Variants in TBC1D5 observed in about 807,000 individuals in gnomAD.
TBC1D5 encodes the protein TBC1 domain family, member 5.
In TBC1D5, 75 loss-of-function variants were observed where a neutral mutation model predicts 100.3. The observed-to-expected ratio is 0.75, with a 90% CI of 0.62 to 0.91. The LOEUF (loss-of-function observed/expected upper bound fraction) is 0.91, where lower values mean the gene tolerates loss of function less well. Ranked by LOEUF, TBC1D5 falls within the 40% of genes least tolerant of loss-of-function variation. The pLI is 0.00. For missense variants in TBC1D5, 910 were observed against 942.4 expected (o/e 0.97, Z 0.45); for synonymous variants, 323 against 325.6 (o/e 0.99, Z 0.09).
chr3:17,173,287 G>A (rs2067353002), intron 19 of TBC1D5, among the ~76,000 whole-genome samples: 1 of 152,202 alleles, frequency 6.6e-6, no homozygotes, highest in South Asian at 2.1e-4. Context: ...CACTGATGAA[G>A]GCACCAGAGA....
intron 13 of TBC1D5, among the ~76,000 whole-genome samples, chr3:17,308,637 T>C (rs953153982): frequency 6.6e-6 from 1 of 152,100 alleles, no homozygotes; most frequent in African/African-American, 2.4e-5. Context: ...AAATTAAGTG[T>C]GGGAAAAAGC....
rs546679787 is a variant in TBC1D5, at chr3:17,254,367, C to T, written c.1331+4139G>A. 1.6e-4 allele frequency among the ~76,000 whole-genome samples: 25 copies of T among 152,270 alleles called. 1 individual carries two copies. The South Asian group carries it at 4.8e-3, about 29-fold the overall frequency. Reference sequence around the variant, plus strand: ...GGTTCTAATTGCTCCACATCCTTGCCAACATTTGCTACTGTCAATTTTTTA... The same window carrying T: ...GGTTCTAATTGCTCCACATCCTTGCTAACATTTGCTACTGTCAATTTTTTA... On this transcript the variant is annotated intron_variant, in intron 16 of 21. Coordinates refer to ENST00000253692, the Ensembl canonical transcript of TBC1D5.
At chr3:17,705,347 A>AC (rs749780289) in intron 1 of TBC1D5, among the ~76,000 whole-genome samples, 12,694 of 40,558 alleles carry the variant, frequency 0.31, 3,686 homozygotes, top group East Asian at 0.93. Context: ...CTGGGGGCTG[A>AC]CCCCCCCCCA....
intron 1 of TBC1D5, among the ~76,000 whole-genome samples, chr3:17,642,109 T>C (rs2064569153): frequency 6.6e-6 from 1 of 152,170 alleles, no homozygotes; most frequent in African/African-American, 2.4e-5. Context: ...TGGTTAATAA[T>C]CTTATAACAT....
chr3:17,491,268 T>G (rs1445260140), intron 3 of TBC1D5, among the ~76,000 whole-genome samples: 1 of 152,226 alleles, frequency 6.6e-6, no homozygotes, highest in East Asian at 1.9e-4. Flanking sequence ...AAAGATAGTC[T>G]GACTTCCTCT....
intron 3 of TBC1D5, among the ~76,000 whole-genome samples, chr3:17,467,878 C>T (rs1401254348): frequency 3.3e-5 from 5 of 152,098 alleles, no homozygotes; most frequent in South Asian, 2.1e-4. Context: ...GTCTAGGAAA[C>T]GGGAGTTCCC....
At chr3:17,357,510 T>C (rs2091322709) in intron 13 of TBC1D5, among the ~76,000 whole-genome samples, 1 of 152,142 alleles carries the variant, frequency 6.6e-6, no homozygotes, top group Non-Finnish European at 1.5e-5. Context: ...CTAGAGGTGA[T>C]CGACGTAGAG....
intron 14 of TBC1D5, among the ~76,000 whole-genome samples, chr3:17,299,662 T>C (rs532654106): frequency 3.3e-5 from 5 of 152,074 alleles, no homozygotes; most frequent in African/African-American, 1.2e-4. Flanking sequence ...ATGGAGACCA[T>C]CCTGGCTAAC....
intron 1 of TBC1D5, among the ~76,000 whole-genome samples, chr3:17,666,924 A>G (rs529256609): frequency 4.5e-4 from 68 of 152,310 alleles, no homozygotes; most frequent in African/African-American, 1.5e-3. Context: ...TTTGTGGAAG[A>G]ACCCTCTAAC....
chr3:17,572,839 C>T (rs750564478), intron 2 of TBC1D5, among the ~76,000 whole-genome samples: 1 of 152,072 alleles, frequency 6.6e-6, no homozygotes, highest in African/African-American at 2.4e-5. Flanking sequence ...CTTTTCCCAT[C>T]ACTTGGCTTG....
At chr3:17,572,302 G>GA (rs1293477990) in intron 2 of TBC1D5, among the ~76,000 whole-genome samples, 1 of 147,148 alleles carries the variant, frequency 6.8e-6, no homozygotes, top group East Asian at 2.0e-4. Flanking sequence ...TGCATTCTCA[G>GA]TTAAAAAAAA....
At chr3:17,708,693 T>C (rs928043842) in intron 1 of TBC1D5, among the ~76,000 whole-genome samples, 2 of 152,242 alleles carry the variant, frequency 1.3e-5, no homozygotes, top group Admixed American at 1.3e-4. Context: ...TTCTAAAGTC[T>C]ATACAAAAGT....
chr3:17,525,192 C>T (rs1349759613), intron 2 of TBC1D5, among the ~76,000 whole-genome samples: 4 of 152,118 alleles, frequency 2.6e-5, no homozygotes, highest in South Asian at 2.1e-4. Flanking sequence ...TGCAATGACG[C>T]GATCTCGGCT....
intron 1 of TBC1D5, chr3:17,672,664 G>A (rs938010996): frequency 6.6e-6 from 1 of 152,190 alleles, no homozygotes; most frequent in Non-Finnish European, 1.5e-5. Flanking sequence ...TGACAGTGTT[G>A]TCTGCAGGCT....
At chr3:17,353,510 C>T (rs2090876884) in intron 13 of TBC1D5, among the ~76,000 whole-genome samples, 1 of 152,038 alleles carries the variant, frequency 6.6e-6, no homozygotes, top group Admixed American at 6.6e-5. Context: ...AATTACATCA[C>T]TATTATATTT....
chr3:17,503,567 C>G lies in TBC1D5; in HGVS notation c.97+4907G>C, dbSNP rs754212461. ...AATGACAAAAAATGAACTTTAAAAG[C>G]TTAAGAAAAGCTGCTACTCCGATAG... On this transcript the variant is annotated intron_variant, in intron 3 of 21. Coordinates refer to ENST00000253692, the Ensembl canonical transcript of TBC1D5. Among the ~76,000 whole-genome samples the G allele has an allele frequency of 2.7e-5, 4 of 149,386 alleles. No homozygotes were observed. The East Asian group carries it at 7.7e-4, about 29-fold the overall frequency.
chr3:17,741,485 T>G (rs1211434479), upstream of TBC1D5, among the ~76,000 whole-genome samples: 2 of 152,234 alleles, frequency 1.3e-5, no homozygotes, highest in Non-Finnish European at 2.9e-5. Context: ...AGCACAACAC[T>G]TATAAAGGTT....
At chr3:17,474,605 A>T (rs927263256) in intron 3 of TBC1D5, among the ~76,000 whole-genome samples, 2 of 152,190 alleles carry the variant, frequency 1.3e-5, no homozygotes, top group Admixed American at 1.3e-4. Flanking sequence ...TCCAATCTTC[A>T]GAAGATATAT....
At chr3:17,362,488 T>A (rs977860329) in intron 13 of TBC1D5, among the ~76,000 whole-genome samples, 3 of 152,164 alleles carry the variant, frequency 2.0e-5, no homozygotes, top group African/African-American at 7.2e-5. Context: ...ACTGACTTTT[T>A]TTTTTTTGAG....
Sources: gnomAD v4.1 joint callset for allele counts (sites outside exome capture counted in the v4.1 genomes callset) on GRCh38, gnomAD v4.1.1 for gene constraint, MANE v1.5 for transcripts, NCBI Gene and HGNC (gene_info 2026-07-23, HGNC 2026-07-21) for gene names.